The following CTSV variants were observed in gnomAD, a reference collection of about 807,000 sequenced individuals.
The protein encoded by CTSV is cathepsin L2.
CTSV carries 33 observed loss-of-function variants against 35.6 expected under a neutral mutation model. The ratio of observed to expected loss-of-function variants is 0.93; its 90% CI spans 0.70 to 1.24. CTSV has a LOEUF of 1.24. CTSV is among the 50% of genes most tolerant of loss of function. The pLI, the probability that CTSV is intolerant of heterozygous loss-of-function variation, is 0.00. For synonymous variants in CTSV, 154 were observed against 147.1 expected, an observed-to-expected ratio of 1.05 and a Z score of -0.34; for missense variants, 408 against 413.1, an observed-to-expected ratio of 0.99 and a Z score of 0.11.
At chr9:97,036,805 C>T in intron 4 of CTSV, 58 bp from the exon 5 acceptor site, 1 of 1,359,414 alleles carries the variant, frequency 7.4e-7, no homozygotes, top group Non-Finnish European at 1.0e-6. Flanking sequence ...ATACAGTACC[C>T]CATAATTGAA....
chr9:97,038,026 G>A lies in CTSV; in HGVS notation c.18C>T (p.Val6=), dbSNP rs1444887480. 2 of 1,613,896 alleles carry A rather than the reference G, an allele frequency of 1.2e-6. No individual in the cohort carries two copies. The highest frequency in any genetic ancestry group is 1.7e-6 in the Non-Finnish European group (2 of 1,179,864). MNLSL[V]LAAFCLGIAS... ...CTATTCCCAAGCAAAAGGCAGCCAG[G>A]ACGAGCGAAAGATTCATGTTTCAAA... The change falls in exon 2 of 8, where the codon GTC becomes GTT. Residue 6 remains valine (V), a synonymous_variant. Coordinates refer to ENST00000259470, the MANE Select transcript of CTSV (RefSeq NM_001333.4).
At position 97,034,841 on chromosome 9, in the gene CTSV, T is replaced by C. The variant is rs1383500225; in HGVS notation, c.790A>G (p.Ile264Val). ...HSSFQFYKSG[I>V]YFEPDCSSKN... The stretch of plus-strand genomic sequence containing the variant: ...CTGCTGCAGTCTGGTTCAAAATAAA[T>C]GCCTGGGAGAGTAAAATTAATGCTG... The change falls in exon 7 of 8, where the codon ATT becomes GTT. Residue 264 changes from isoleucine to valine, a missense_variant and splice_region_variant. Transcript: ENST00000259470. The C allele has an allele frequency of 3.1e-6, 5 of 1,613,268 alleles. No homozygotes were observed. The highest frequency in any genetic ancestry group is 2.5e-6 in the Non-Finnish European group (3 of 1,179,354).
Position 97,032,391 on chromosome 9 carries a change from G to A in CTSV, c.*558C>T, listed in dbSNP as rs1266472140. 1 of 152,190 alleles carries A rather than the reference G, an allele frequency of 6.6e-6. No individual in the cohort carries two copies. Among genetic ancestry groups the A allele is most frequent in the Non-Finnish European group, 1.5e-5 (1 of 68,118 alleles). The allele number at this position is 152,190 out of a possible 1,614,324, so 9.4% of individuals were successfully genotyped here. On this transcript the variant is annotated 3_prime_UTR_variant, in exon 8 of 8. Transcript: ENST00000259470. The stretch of plus-strand genomic sequence containing the variant: ...CCAGCCTTGGTGACAGAGTGAGAGA[G>A]ACTCCGTCTCATAAAAAAAAAAAAT...
rs1280519826 is a variant in CTSV, at chr9:97,038,032, C to T, written c.12G>A (p.Ser4=). ...CCAAGCAAAAGGCAGCCAGGACGAGCGAAAGATTCATGTTTCAAAACCTAG... is the reference window on the plus strand; with the variant it reads ...CCAAGCAAAAGGCAGCCAGGACGAGTGAAAGATTCATGTTTCAAAACCTAG... MNL[S]LVLAAFCLGI... is the part of the protein sequence containing the mutation. Residue 4 remains serine, a synonymous_variant, in exon 2 of 8, where the codon TCG becomes TCA. Transcript: ENST00000259470. 5.6e-6 allele frequency: 9 copies of T among 1,613,384 alleles called. No homozygotes were observed. The highest frequency in any genetic ancestry group is 5.9e-6 in the Non-Finnish European group (7 of 1,179,574).
In CTSV at chr9:97,035,583, C is replaced by T. The variant is rs757377808; in HGVS notation, c.732G>A (p.Gly244=). Residue 244 remains glycine (G), a synonymous_variant, in exon 6 of 8, where the codon GGG becomes GGA. Transcript: ENST00000259470. The part of the protein sequence containing the change: ...KALMKAVATV[G]PISVAMDAGH... ...CTGCATCCATAGCAACGGAGATGGG[C>T]CCCACAGTTGCGACTGCTTTCATCA... The T allele has an allele frequency of 5.6e-6, 9 of 1,600,130 alleles. No homozygotes were observed. In the Admixed American group the frequency reaches 1.4e-4, roughly 24 times the overall value.
At position 97,033,061 on chromosome 9, in the gene CTSV, C is replaced by T. The variant is rs1329380460; in HGVS notation, c.906-13G>A. On this transcript the variant is annotated splice_polypyrimidine_tract_variant and intron_variant, in intron 7 of 7. Transcript: ENST00000259470. The stretch of plus-strand genomic sequence containing the variant: ...TTCTGGACCCCAGCTGAAAGAGGAG[C>T]AGGTTTTCCATTTTATACAAGGAAT... 6.3e-7 allele frequency: 1 copy of T among 1,586,948 alleles called. No homozygotes were observed. The highest frequency in any genetic ancestry group is 8.6e-7 in the Non-Finnish European group (1 of 1,162,064).
chr9:97,037,511 C>T lies in CTSV; in HGVS notation c.231G>A (p.Met77Ile). ...SQGKHGFTMA[M>I]NAFGDMTNEE... Reference sequence around the variant, plus strand: ...CACTCACCATGTCACCAAAAGCATTCATGGCCATTGTGAAGCCATGTTTCC... The same window carrying T: ...CACTCACCATGTCACCAAAAGCATTTATGGCCATTGTGAAGCCATGTTTCC... Residue 77 changes from methionine (M) to isoleucine (I), a missense_variant, in exon 3 of 8, where the codon ATG (methionine) becomes ATA (isoleucine). Transcript: ENST00000259470. The T allele has an allele frequency of 6.2e-7, 1 of 1,614,222 alleles. No homozygotes were observed. The highest frequency in any genetic ancestry group is 8.5e-7 in the Non-Finnish European group (1 of 1,180,028).
Position 97,037,378 on chromosome 9 carries a change from C to T in CTSV, c.270G>A (p.Gln90=), listed in dbSNP as rs1216631244. Residue 90 remains glutamine (Q), a synonymous_variant, in exon 4 of 8, where the codon CAG becomes CAA. Coordinates refer to ENST00000259470, the MANE Select transcript of CTSV (RefSeq NM_001333.4). ...TCTGGTTTCGAAAGCAACCCATCATCTGCCTGAATTCTTCATTGGTCTTCA... is the reference window on the plus strand; with the variant it reads ...TCTGGTTTCGAAAGCAACCCATCATTTGCCTGAATTCTTCATTGGTCTTCA... ...FGDMTNEEFR[Q]MMGCFRNQKF... 1 of 1,614,182 alleles carries T rather than the reference C, an allele frequency of 6.2e-7. No individual in the cohort carries two copies. Among genetic ancestry groups the T allele is most frequent in the Non-Finnish European group, 8.5e-7 (1 of 1,180,038 alleles).
rs747925496 is a variant in CTSV at position 97,029,983 on chromosome 9, T to C, written c.*2966A>G. On this transcript the variant is annotated 3_prime_UTR_variant, in exon 8 of 8. Transcript: ENST00000259470. ...TGTACCATATAGCCTAGGTGTGTAATAGGCTATACCATCTAGGTTTGTGTC... is the reference window on the plus strand; with the variant it reads ...TGTACCATATAGCCTAGGTGTGTAACAGGCTATACCATCTAGGTTTGTGTC... 8 of 152,260 alleles carry C rather than the reference T, an allele frequency of 5.3e-5. No individual in the cohort carries two copies. Among genetic ancestry groups the C allele is most frequent in the Non-Finnish European group, 8.8e-5 (6 of 68,048 alleles). 9.4% of individuals were successfully genotyped at this position (152,260 alleles called of 1,614,324 possible). A position where few individuals can be genotyped will look rare whatever the true frequency, so the allele number is the denominator to read the frequency against.
chr9:97,035,541 C>A lies in CTSV; in HGVS notation c.774G>T (p.Gln258His). 6.5e-7 allele frequency: 1 copy of A among 1,548,874 alleles called. No homozygotes were observed. Among genetic ancestry groups the A allele is most frequent in the South Asian group, 1.2e-5 (1 of 82,616 alleles). ...VAMDAGHSSFQFYKSGIYFEP... is the reference protein window; with the variant it reads ...VAMDAGHSSFHFYKSGIYFEP... Reference sequence around the variant, plus strand: ...AATGACACTTACCTGATTTGTAGAACTGGAAGGACGAATGGCCTGCATCCA... The same window carrying A: ...AATGACACTTACCTGATTTGTAGAAATGGAAGGACGAATGGCCTGCATCCA... The change falls in exon 6 of 8, where the codon CAG (glutamine) becomes CAT (histidine). Residue 258 changes from glutamine (Q) to histidine (H), a missense_variant. Gln to His is a conservative substitution (Grantham distance 24). Transcript: ENST00000259470.
In CTSV at chr9:97,031,840, C is replaced by CTA. The variant is rs1357653455; in HGVS notation, c.*1108_*1109insTA. The CTA allele has an allele frequency of 1.3e-5, 2 of 152,172 alleles. No individual in the cohort carries two copies. The highest frequency in any genetic ancestry group is 2.9e-5 in the Non-Finnish European group (2 of 68,032). The allele number at this position is 152,172 out of a possible 1,614,324, so 9.4% of individuals were successfully genotyped here. On this transcript the variant is annotated 3_prime_UTR_variant, in exon 8 of 8. Transcript: ENST00000259470. The stretch of plus-strand genomic sequence containing the variant: ...AAATGCCTGAGATTTGTTAACCACA[C>CTA]CATTTATTTTTGCTAACACTAGTTA...
intron 5 of CTSV, 50 bp from the exon 6 acceptor site, chr9:97,035,743 G>T: frequency 2.4e-6 from 3 of 1,267,458 alleles, no homozygotes; most frequent in Non-Finnish European, 3.1e-6. Flanking sequence ...CTACCTCCTG[G>T]GGAACATTAG....
Position 97,037,402 on chromosome 9 carries a change from C to T in CTSV, c.250-4G>A. The T allele has an allele frequency of 6.2e-7, 1 of 1,613,920 alleles. No individual in the cohort carries two copies. Reference sequence around the variant, plus strand: ...TCTGCCTGAATTCTTCATTGGTCTTCAAGGAGAAGTAAATAAAATGTTAAA... The same window carrying T: ...TCTGCCTGAATTCTTCATTGGTCTTTAAGGAGAAGTAAATAAAATGTTAAA... On this transcript the variant is annotated splice_polypyrimidine_tract_variant and splice_region_variant and intron_variant, in intron 3 of 7. Coordinates refer to ENST00000259470, the MANE Select transcript of CTSV (RefSeq NM_001333.4).
intron 6 of CTSV, among the ~76,000 whole-genome samples, chr9:97,035,137 A>G (rs1368841019): frequency 6.6e-6 from 1 of 152,248 alleles, no homozygotes; most frequent in Non-Finnish European, 1.5e-5. Context: ...GGTGATTTAG[A>G]TATCTCTGAG....
chr9:97,033,860 C>T (rs1254779513), intron 7 of CTSV, among the ~76,000 whole-genome samples: 2 of 151,986 alleles, frequency 1.3e-5, no homozygotes, highest in African/African-American at 4.8e-5. Context: ...CTTTGGGAGG[C>T]CAAGGCAGGC....
intron 5 of CTSV, chr9:97,036,317 T>C: frequency 1.7e-6 from 1 of 589,488 alleles, no homozygotes; most frequent in Non-Finnish European, 3.0e-6. Context: ...GTGATCCGCC[T>C]GTCTCGGCCT....
Position 97,034,821 on chromosome 9 carries a change from G to A in CTSV, c.810C>T (p.Cys270=). Residue 270 remains cysteine (C), a synonymous_variant, in exon 7 of 8, where the codon TGC becomes TGT. Coordinates refer to ENST00000259470, the MANE Select transcript of CTSV (RefSeq NM_001333.4). ...YKSGIYFEPD[C]SSKNLDHGVL... Reference sequence around the variant, plus strand: ...CACCATGATCCAGGTTTTTGCTGCTGCAGTCTGGTTCAAAATAAATGCCTG... The same window carrying A: ...CACCATGATCCAGGTTTTTGCTGCTACAGTCTGGTTCAAAATAAATGCCTG... 6.2e-7 allele frequency: 1 copy of A among 1,614,082 alleles called. No homozygotes were observed. Among genetic ancestry groups the A allele is most frequent in the Non-Finnish European group, 8.5e-7 (1 of 1,179,980 alleles).
intron 6 of CTSV, 86 bp from the exon 7 acceptor site, chr9:97,034,929 A>G: frequency 2.1e-6 from 2 of 964,104 alleles, no homozygotes; most frequent in Non-Finnish European, 3.2e-6. Context: ...TAAGGGAGGC[A>G]TCTCTAAATT....
In CTSV at chr9:97,037,506, G is replaced by A. The variant is rs752745245; in HGVS notation, c.236C>T (p.Ala79Val). The part of the protein sequence containing the change: ...GKHGFTMAMN[A>V]FGDMTNEEFR... ...TGCCACACTCACCATGTCACCAAAA[G>A]CATTCATGGCCATTGTGAAGCCATG... The change falls in exon 3 of 8, where the codon GCT becomes GTT. Residue 79 changes from alanine to valine, a missense_variant. Transcript: ENST00000259470. 8.1e-6 allele frequency: 13 copies of A among 1,614,070 alleles called. No individual in the cohort carries two copies. Among genetic ancestry groups the A allele is most frequent in the Non-Finnish European group, 1.1e-5 (13 of 1,180,042 alleles).
Sources: allele counts gnomAD v4.1 joint callset (sites outside exome capture counted in the v4.1 genomes callset), GRCh38; gene constraint gnomAD v4.1.1; transcripts MANE v1.5; gene names NCBI Gene and HGNC (gene_info 2026-07-23, HGNC 2026-07-21).